SLC25A48: variants seen among roughly 807,000 people sequenced by gnomAD.
SLC25A48 encodes the protein solute carrier family 25 member 48.
A neutral mutation model predicts 32.2 loss-of-function variants in SLC25A48; 29 were observed. The observed-to-expected ratio is 0.90, with a 90% CI of 0.67 to 1.23. SLC25A48 has a LOEUF of 1.23. Among genes scored for constraint, SLC25A48 ranks in the 50% most tolerant of loss-of-function variants. The pLI is 0.00. For missense variants in SLC25A48, 399 were observed against 422.7 expected, an observed-to-expected ratio of 0.94 and a Z score of 0.49; for synonymous variants, 164 against 172.3, an observed-to-expected ratio of 0.95 and a Z score of 0.38.
chr5:135,734,642 C>T (rs200136209), intron 3 of SLC25A48, among the ~76,000 whole-genome samples: 4 of 151,476 alleles, frequency 2.6e-5, no homozygotes, highest in South Asian at 2.1e-4. Context: ...AGTGAAACCC[C>T]GTCTCTACTA....
upstream of SLC25A48, among the ~76,000 whole-genome samples, chr5:135,830,981 G>A (rs994627417): frequency 6.6e-6 from 1 of 152,180 alleles, no homozygotes; most frequent in East Asian, 1.9e-4. Context: ...CAACCAGGTC[G>A]TGACCTCCTG....
chr5:135,648,486 G>A lies in SLC25A48; in HGVS notation c.-521+13530G>A, dbSNP rs2126922924. 3 of 152,368 alleles carry A rather than the reference G, an allele frequency of 2.0e-5. No individual in the cohort carries two copies. In the Middle Eastern group the frequency reaches 0.01, roughly 518 times the overall value. The allele number at this position is 152,368 out of a possible 1,614,324, so 9.4% of individuals were successfully genotyped here. A position where few individuals can be genotyped will look rare whatever the true frequency, so the allele number is the denominator to read the frequency against. ...CACATGCCCTCAGAAACATTGTGCTGATGGGCTCTGATTTTTCTTTTCATG... is the reference window on the plus strand; with the variant it reads ...CACATGCCCTCAGAAACATTGTGCTAATGGGCTCTGATTTTTCTTTTCATG... On this transcript the variant is annotated intron_variant, in intron 3 of 10. Transcript: ENST00000646290.
Position 135,782,536 on chromosome 5 carries a change from A to T in SLC25A48, c.-520-29987A>T, listed in dbSNP as rs1222248082. Among the ~76,000 whole-genome samples the T allele has an allele frequency of 6.0e-5, 7 of 116,772 alleles. 2 individuals carry two copies. Among genetic ancestry groups the T allele is most frequent in the Non-Finnish European group, 1.1e-4 (5 of 47,206 alleles). The allele number at this position is 116,772 out of a possible 152,430, so 76.6% of individuals were successfully genotyped here. ...TTATTCCTAATATCCAGGGAAGGAG[A>T]GGATGATATTACTTTTAATATGGTA... On this transcript the variant is annotated intron_variant, in intron 3 of 10. Coordinates refer to the SLC25A48 transcript ENST00000646290.
chr5:135,703,667 A>C (rs10479104), intron 3 of SLC25A48, among the ~76,000 whole-genome samples: 113,226 of 152,068 alleles, frequency 0.74, 42,589 homozygotes, highest in Middle Eastern at 0.84. Context: ...TCCCCAGGAA[A>C]CCTGTGAGTG....
At chr5:135,618,387 G>A (rs6596249) in intron 1 of SLC25A48, among the ~76,000 whole-genome samples, 54,774 of 151,768 alleles carry the variant, frequency 0.36, 9,860 homozygotes, top group Middle Eastern at 0.39. Context: ...TATCTTTTAA[G>A]TGTAAAGCTA....
At chr5:135,799,448 C>T (rs1408090079) in intron 3 of SLC25A48, among the ~76,000 whole-genome samples, 1 of 151,382 alleles carries the variant, frequency 6.6e-6, no homozygotes, top group Non-Finnish European at 1.5e-5. Context: ...TAATGTGACT[C>T]CCAATATTGC....
chr5:135,811,136 C>T (rs897190443), intron 3 of SLC25A48, among the ~76,000 whole-genome samples: 2 of 152,148 alleles, frequency 1.3e-5, no homozygotes, highest in Admixed American at 6.5e-5. Flanking sequence ...TCCACCACTC[C>T]AGGACTTCCA....
intron 1 of SLC25A48, among the ~76,000 whole-genome samples, chr5:135,599,531 G>A (rs139465476): frequency 5.7e-4 from 86 of 152,128 alleles, no homozygotes; most frequent in Non-Finnish European, 9.9e-4. Flanking sequence ...TTTATCAATC[G>A]CTGGGGCACT....
chr5:135,882,334 T>C (rs1762533421), intron 7 of SLC25A48, among the ~76,000 whole-genome samples: 1 of 152,208 alleles, frequency 6.6e-6, no homozygotes, highest in South Asian at 2.1e-4. Context: ...ATTTACCAAG[T>C]AGCTCTGAGA....
In SLC25A48 at chr5:135,629,761, G is replaced by A. The variant is rs558562882; in HGVS notation, c.-709+385G>A. 2.0e-5 allele frequency among the ~76,000 whole-genome samples: 3 copies of A among 152,328 alleles called. No homozygotes were observed. Among genetic ancestry groups the A allele is most frequent in the African/African-American group, 7.2e-5 (3 of 41,576 alleles). ...ACTCCCCATCCATCATGGGTGGAGG[G>A]TTGCTCTCAGTGGTAGGGCATGTTA... On this transcript the variant is annotated intron_variant, in intron 2 of 10. Transcript: ENST00000646290. The surrounding 1 kb of genome is among the most constrained non-coding windows in gnomAD (Gnocchi z 4.8).
At chr5:135,652,248 T>C (rs926230333) in intron 3 of SLC25A48, 1 of 401,098 alleles carries the variant, frequency 2.5e-6, no homozygotes, top group African/African-American at 2.1e-5. Context: ...TGGGGGTGAG[T>C]AGACAGTCAC....
At chr5:135,704,727 G>C (rs1161283390) in intron 3 of SLC25A48, among the ~76,000 whole-genome samples, 2 of 152,166 alleles carry the variant, frequency 1.3e-5, no homozygotes, top group African/African-American at 4.8e-5. Context: ...GGGACAGAGA[G>C]GTTAAATAAC....
chr5:135,874,103 T>A lies in SLC25A48; in HGVS notation c.762T>A (p.Tyr254Ter). The change falls in exon 6 of 8, where the codon TAT becomes TAA. Residue 254 changes from tyrosine to a stop codon, truncating the protein, a stop_gained. Coordinates refer to ENST00000681962, the MANE Select transcript of SLC25A48 (RefSeq NM_001349336.2). LOFTEE classifies it high-confidence loss of function. Reference sequence around the variant, plus strand: ...CTGATGGGGTTTATTTAAACAAATATAAAGGTGTCCTGGACTGTATCTCCC... The same window carrying A: ...CTGATGGGGTTTATTTAAACAAATAAAAAGGTGTCCTGGACTGTATCTCCC... ...LQADGVYLNK[Y>*]KGVLDCISQS... 1 of 1,520,534 alleles carries A rather than the reference T, an allele frequency of 6.6e-7. No individual in the cohort carries two copies. Among genetic ancestry groups the A allele is most frequent in the Non-Finnish European group, 8.8e-7 (1 of 1,141,464 alleles). The allele number at this position is 1,520,534 out of a possible 1,614,324, so 94.2% of individuals were successfully genotyped here. A position where few individuals can be genotyped will look rare whatever the true frequency, so the allele number is the denominator to read the frequency against.
At chr5:135,731,731 G>C (rs1755228991) in intron 3 of SLC25A48, among the ~76,000 whole-genome samples, 1 of 152,184 alleles carries the variant, frequency 6.6e-6, no homozygotes, top group African/African-American at 2.4e-5. Flanking sequence ...GAATTGGGAG[G>C]GCCCAGGCCA....
intron 3 of SLC25A48, among the ~76,000 whole-genome samples, chr5:135,643,740 C>A (rs753544978): frequency 2.0e-5 from 3 of 152,166 alleles, no homozygotes; most frequent in Non-Finnish European, 2.9e-5. Context: ...TAGTGAGCAG[C>A]GACCCCGTTA....
At chr5:135,738,269 G>T (rs1755423112) in intron 3 of SLC25A48, among the ~76,000 whole-genome samples, 1 of 152,172 alleles carries the variant, frequency 6.6e-6, no homozygotes, top group Admixed American at 6.5e-5. Flanking sequence ...CTGCTACCCA[G>T]ATGGCCAGGG....
At position 135,801,013 on chromosome 5, in the gene SLC25A48, C is replaced by T. The variant is rs562272604; in HGVS notation, c.-520-11510C>T. On this transcript the variant is annotated intron_variant, in intron 3 of 10. Coordinates refer to the SLC25A48 transcript ENST00000646290. ...CTCCCAATATCGCAGGGTGTGTACA[C>T]CCTTCTGTGATATTTTTCATAATAT... Among the ~76,000 whole-genome samples, 45 of 151,760 alleles carry T rather than the reference C, an allele frequency of 3.0e-4. 1 individual carries two copies. The highest frequency in any genetic ancestry group is 6.9e-3 in the Middle Eastern group (2 of 290).
intron 3 of SLC25A48, among the ~76,000 whole-genome samples, chr5:135,799,020 C>T (rs10900841): frequency 0.65 from 98,428 of 151,500 alleles, 34,181 homozygotes; most frequent in Non-Finnish European, 0.78. Flanking sequence ...CCTGTGATAT[C>T]GTTTTTAATA....
chr5:135,841,276 A>T (rs79165194), intron 1 of SLC25A48, among the ~76,000 whole-genome samples: 6,047 of 152,254 alleles, frequency 0.04, 389 homozygotes, highest in African/African-American at 0.14. Context: ...CAGTTGTAAG[A>T]GTTCTTCCTA....
Sources: allele counts gnomAD v4.1 joint callset (sites outside exome capture counted in the v4.1 genomes callset), GRCh38; gene constraint gnomAD v4.1.1; non-coding constraint Gnocchi (gnomAD v3.1); transcripts MANE v1.5; gene names NCBI Gene and HGNC (gene_info 2026-07-23, HGNC 2026-07-21).